The following ZBBX variants were observed in gnomAD, a reference collection of about 807,000 sequenced individuals.
ZBBX encodes zinc finger B-box domain-containing protein 1.
Under a neutral mutation model 108.5 loss-of-function variants are expected in ZBBX, and 101 were observed. The observed-to-expected ratio is 0.93, with a 90% CI of 0.79 to 1.10. The LOEUF is 1.10. Among genes scored for constraint, ZBBX ranks in the 50% least tolerant of loss-of-function variants. The probability of loss-of-function intolerance (pLI) is 0.00; values close to 1 mark genes in which losing one functional copy is unlikely to be tolerated. For missense variants in ZBBX, 1,009 were observed against 941.4 expected (o/e 1.07, Z -0.94); for synonymous variants, 356 against 323.4 (o/e 1.10, Z -1.08).
At position 167,333,879 on chromosome 3, in the gene ZBBX, C is replaced by A. The variant is rs202200381; in HGVS notation, c.635G>T (p.Ser212Ile). ...KEENNSTKET[S>I]KIQHKPKSVL... ...AGATTTGGGTTTATGTTGAATTTTA[C>A]TGGTTTCCTTTGTAGAATTATTCTC... is the stretch of plus-strand genomic sequence containing the variant. The change falls in exon 10 of 22, where the codon AGT (serine) becomes ATT (isoleucine). Residue 212 changes from serine to isoleucine, a missense_variant. Coordinates refer to ENST00000675490, the MANE Select transcript of ZBBX (RefSeq NM_001199201.2). 8.7e-6 allele frequency: 14 copies of A among 1,612,552 alleles called. No individual in the cohort carries two copies. The African/African-American group carries it at 1.6e-4, about 18-fold the overall frequency.
chr3:167,284,969 T>TA (rs142020887), intron 19 of ZBBX, among the ~76,000 whole-genome samples: 2,946 of 152,134 alleles, frequency 0.019, 107 homozygotes, highest in African/African-American at 0.068. Context: ...ATATTTTTTT[T>TA]AAAAAAAATC....
the ZBBX span, among the ~76,000 whole-genome samples, chr3:167,181,956 G>T: frequency 6.6e-6 from 1 of 152,222 alleles, no homozygotes; most frequent in African/African-American, 2.4e-5. Context: ...TGTGGTGGGG[G>T]GCAGGCCTGG....
At chr3:167,203,467 C>A in the ZBBX span, among the ~76,000 whole-genome samples, 1 of 152,036 alleles carries the variant, frequency 6.6e-6, no homozygotes, top group Non-Finnish European at 1.5e-5. Flanking sequence ...AAAAAAATTT[C>A]TCTGTGTGTA....
At chr3:167,300,180 G>A (rs1180324442) in intron 17 of ZBBX, among the ~76,000 whole-genome samples, 2 of 151,980 alleles carry the variant, frequency 1.3e-5, no homozygotes, top group South Asian at 4.2e-4. Flanking sequence ...TTTATAAAAG[G>A]GGCAATCCTG....
At chr3:167,375,555 G>A (rs1294390926) in intron 2 of ZBBX, among the ~76,000 whole-genome samples, 1 of 151,738 alleles carries the variant, frequency 6.6e-6, no homozygotes, top group Non-Finnish European at 1.5e-5. Context: ...TCGCACCACT[G>A]CACTCCAGTC....
chr3:167,405,637 C>T (rs560134457), intron 1 of ZBBX, among the ~76,000 whole-genome samples: 1 of 152,154 alleles, frequency 6.6e-6, no homozygotes, highest in Non-Finnish European at 1.5e-5. Context: ...TTTCAGGGAG[C>T]TTGATATTTA....
chr3:167,226,103 A>G, the ZBBX span, among the ~76,000 whole-genome samples: 1 of 151,578 alleles, frequency 6.6e-6, no homozygotes, highest in Non-Finnish European at 1.5e-5. Flanking sequence ...AAAGAAAAAA[A>G]AACCTCAGAG....
At chr3:167,315,680 G>C (rs1032513647) in intron 15 of ZBBX, 70 bp downstream of exon 15, 1 of 1,100,026 alleles carries the variant, frequency 9.1e-7, no homozygotes, top group African/African-American at 1.6e-5. Flanking sequence ...CATTTAAAAA[G>C]ACAGATGATT....
chr3:167,372,878 A>G lies in ZBBX; in HGVS notation c.24T>C (p.Val8=). 12 of 1,601,854 alleles carry G rather than the reference A, an allele frequency of 7.5e-6. No individual in the cohort carries two copies. Among genetic ancestry groups the G allele is most frequent in the Non-Finnish European group, 1.0e-5 (12 of 1,173,620 alleles). The change falls in exon 4 of 22, where the codon GTT becomes GTC. Residue 8 remains valine (V), a synonymous_variant. Transcript: ENST00000675490. ...AATTTCCAGGTTTTCCCCATGGAAGAACTACAAAATCTTTTCTGTTCATGA... is the reference window on the plus strand; with the variant it reads ...AATTTCCAGGTTTTCCCCATGGAAGGACTACAAAATCTTTTCTGTTCATGA... MNRKDFV[V]LPWGKPGNSV...
At chr3:167,322,026 A>G (rs1221090293) in intron 12 of ZBBX, 91 bp downstream of exon 12, 3 of 729,008 alleles carry the variant, frequency 4.1e-6, no homozygotes, top group African/African-American at 1.8e-5. Context: ...TGAAATATAC[A>G]TATAAAATTG....
At chr3:167,238,736 A>T (rs886577197), downstream of ZBBX, among the ~76,000 whole-genome samples, 2 of 152,094 alleles carry the variant, frequency 1.3e-5, no homozygotes, top group African/African-American at 4.8e-5. Context: ...AATGTCACAA[A>T]GTGATGACCA....
the ZBBX span, among the ~76,000 whole-genome samples, chr3:167,217,320 T>C: frequency 6.6e-6 from 1 of 152,102 alleles, no homozygotes; most frequent in Non-Finnish European, 1.5e-5. Flanking sequence ...GAACAGACAC[T>C]TCTCAAAGGA....
intron 16 of ZBBX, among the ~76,000 whole-genome samples, chr3:167,307,629 G>T (rs893635522): frequency 6.6e-6 from 1 of 152,042 alleles, no homozygotes; most frequent in East Asian, 1.9e-4. Flanking sequence ...TAGACCAGTG[G>T]AACAGAATAG....
At chr3:167,362,240 G>A (rs535628903) in intron 6 of ZBBX, among the ~76,000 whole-genome samples, 18 of 152,134 alleles carry the variant, frequency 1.2e-4, no homozygotes, top group Middle Eastern at 6.8e-3. Context: ...ATATACAAAT[G>A]TCAGGAACTT....
Position 167,397,142 on chromosome 3 carries a change from TAAAA to T in ZBBX, c.-446+10580_-446+10583del, listed in dbSNP as rs61671930. 3.5e-4 allele frequency among the ~76,000 whole-genome samples: 25 copies of T among 72,408 alleles called. 1 individual carries two copies. Among genetic ancestry groups the T allele is most frequent in the South Asian group, 2.2e-3 (4 of 1,848 alleles). 47.5% of individuals were successfully genotyped at this position (72,408 alleles called of 152,430 possible). A position where few individuals can be genotyped will look rare whatever the true frequency, so the allele number is the denominator to read the frequency against. On this transcript the variant is annotated intron_variant, in intron 1 of 21. Coordinates refer to the ZBBX transcript ENST00000455345. ...GTCGTGAAGAAGAGGTTCTTGGTGG[TAAAA>T]AAAAAAAAAAAAAAAAAAAATCTGA...
At chr3:167,301,004 A>C (rs1311926919) in intron 17 of ZBBX, among the ~76,000 whole-genome samples, 1 of 149,736 alleles carries the variant, frequency 6.7e-6, no homozygotes, top group Non-Finnish European at 1.5e-5. Context: ...GATTTGTTGT[A>C]CAGATTATTT....
chr3:167,394,032 A>AT (rs2108638488), intron 1 of ZBBX, among the ~76,000 whole-genome samples: 1 of 152,108 alleles, frequency 6.6e-6, no homozygotes, highest in South Asian at 2.1e-4. Flanking sequence ...CAGATTTTCC[A>AT]TACATACCAA....
chr3:167,248,198 C>A (rs1289026097), intron 20 of ZBBX, among the ~76,000 whole-genome samples: 1 of 152,144 alleles, frequency 6.6e-6, no homozygotes, highest in Non-Finnish European at 1.5e-5. Flanking sequence ...CAGCAGCAGG[C>A]AAAGGCCAAG....
At chr3:167,368,300 C>T (rs1328976895) in intron 5 of ZBBX, among the ~76,000 whole-genome samples, 161 bp downstream of exon 5, 2 of 151,516 alleles carry the variant, frequency 1.3e-5, no homozygotes, top group African/African-American at 2.4e-5. Context: ...CTAAGTGGCA[C>T]AAAAACAAAA....
Sources: gnomAD v4.1 joint callset for allele counts (sites outside exome capture counted in the v4.1 genomes callset) on GRCh38, gnomAD v4.1.1 for gene constraint, MANE v1.5 for transcripts, NCBI Gene and HGNC (gene_info 2026-07-23, HGNC 2026-07-21) for gene names.